The following PRKG1 variants were observed in gnomAD, a reference collection of about 807,000 sequenced individuals.
PRKG1 encodes the protein cGMP-dependent protein kinase 1.
PRKG1 carries 35 observed loss-of-function variants against 88.1 expected under a neutral mutation model. The observed-to-expected ratio is 0.40, with a 90% CI of 0.30 to 0.53. The LOEUF is 0.53. PRKG1 is among the 20% of genes least tolerant of loss of function. PRKG1 has a pLI of 0.59. For missense variants in PRKG1, 540 were observed against 839.8 expected (o/e 0.64, Z 4.41); for synonymous variants, 303 against 292.5 (o/e 1.04, Z -0.37).
At chr10:51,809,793 T>C (rs1839404874) in intron 4 of PRKG1, among the ~76,000 whole-genome samples, 1 of 152,134 alleles carries the variant, frequency 6.6e-6, no homozygotes, top group African/African-American at 2.4e-5. Flanking sequence ...AACCTTTCCA[T>C]ATCTTCCCAT....
At chr10:51,278,120 T>C (rs1189167704) in intron 2 of PRKG1, among the ~76,000 whole-genome samples, 1 of 152,210 alleles carries the variant, frequency 6.6e-6, no homozygotes, top group African/African-American at 2.4e-5. Context: ...CATTTGGAGA[T>C]ACGTCCCATC....
At chr10:51,234,242 G>A (rs185166294) in intron 2 of PRKG1, among the ~76,000 whole-genome samples, 112 of 152,168 alleles carry the variant, frequency 7.4e-4, no homozygotes, top group African/African-American at 2.4e-3. Context: ...GAACCCACCC[G>A]TCTTTCTGTG....
chr10:51,289,434 AG>A (rs1159495940), intron 2 of PRKG1, among the ~76,000 whole-genome samples: 2 of 152,200 alleles, frequency 1.3e-5, no homozygotes, highest in African/African-American at 2.4e-5. Flanking sequence ...ACAGTGGACT[AG>A]AGCCTCCAAG....
At chr10:52,253,682 T>G (rs1024538964) in intron 10 of PRKG1, among the ~76,000 whole-genome samples, 1 of 151,862 alleles carries the variant, frequency 6.6e-6, no homozygotes, top group Non-Finnish European at 1.5e-5. Context: ...GATAGCCTAA[T>G]TTTCCTCTCA....
chr10:51,155,033 T>C (rs1243367604), intron 2 of PRKG1, among the ~76,000 whole-genome samples: 7 of 152,010 alleles, frequency 4.6e-5, no homozygotes, highest in Admixed American at 1.3e-4. Context: ...TTTTCAGATA[T>C]TATATTGGTC....
chr10:51,565,369 C>A (rs1837572307), intron 3 of PRKG1, among the ~76,000 whole-genome samples: 1 of 151,984 alleles, frequency 6.6e-6, no homozygotes, highest in South Asian at 2.1e-4. Context: ...ACAGAGCAGA[C>A]CCTAGCCCCT....
chr10:51,572,483 A>T (rs556834001), intron 3 of PRKG1, among the ~76,000 whole-genome samples: 33 of 152,010 alleles, frequency 2.2e-4, no homozygotes, highest in African/African-American at 7.2e-4. Flanking sequence ...TAATGCTGAA[A>T]GATGCCTTAG....
chr10:52,228,293 A>G (rs1318055280), intron 9 of PRKG1, among the ~76,000 whole-genome samples: 2 of 151,980 alleles, frequency 1.3e-5, no homozygotes, highest in Admixed American at 1.3e-4. Context: ...AAGAAAAAAA[A>G]AAAAAGAAAT....
intron 9 of PRKG1, among the ~76,000 whole-genome samples, chr10:52,248,543 G>A (rs1291181415): frequency 1.3e-5 from 2 of 152,110 alleles, no homozygotes; most frequent in Non-Finnish European, 2.9e-5. Flanking sequence ...AATTCACCTA[G>A]TAATGTTAGC....
chr10:51,851,248 A>C (rs1554848601), intron 4 of PRKG1, among the ~76,000 whole-genome samples: 2 of 152,254 alleles, frequency 1.3e-5, no homozygotes, highest in Non-Finnish European at 2.9e-5. Flanking sequence ...AAAGATAAAT[A>C]GTAAAAATAG....
chr10:51,517,596 C>T (rs1047134416), intron 3 of PRKG1, among the ~76,000 whole-genome samples: 14 of 152,212 alleles, frequency 9.2e-5, no homozygotes, highest in South Asian at 4.1e-4. Flanking sequence ...CTTCTGTCTT[C>T]GTGAACATGC....
intron 7 of PRKG1, among the ~76,000 whole-genome samples, chr10:52,130,887 G>C (rs1837235740): frequency 6.6e-6 from 1 of 152,202 alleles, no homozygotes; most frequent in Admixed American, 6.5e-5. Context: ...AGCCTCCACA[G>C]AGACAACCAT....
chr10:52,185,769 C>A (rs985972419), intron 9 of PRKG1, among the ~76,000 whole-genome samples: 1 of 152,234 alleles, frequency 6.6e-6, no homozygotes, highest in Non-Finnish European at 1.5e-5. Flanking sequence ...GCTGACTTTA[C>A]ACCACAGGGA....
At chr10:50,993,681 A>G (rs1417800285) in intron 1 of PRKG1, among the ~76,000 whole-genome samples, 1 of 152,232 alleles carries the variant, frequency 6.6e-6, no homozygotes, top group Non-Finnish European at 1.5e-5. Flanking sequence ...CTCGAACAGT[A>G]ACAGCACCGC....
intron 9 of PRKG1, among the ~76,000 whole-genome samples, chr10:52,225,538 G>A (rs1840367610): frequency 6.6e-6 from 1 of 152,026 alleles, no homozygotes; most frequent in South Asian, 2.1e-4. Context: ...TTGCTTTTGG[G>A]TCCTTGGCCA....
At chr10:51,457,733 C>T (rs966427211) in intron 2 of PRKG1, among the ~76,000 whole-genome samples, 1 of 152,180 alleles carries the variant, frequency 6.6e-6, no homozygotes, top group Admixed American at 6.6e-5. Context: ...TTTGTTTATT[C>T]AGTCATCAGT....
At chr10:51,558,478 G>A (rs4492772) in intron 3 of PRKG1, among the ~76,000 whole-genome samples, 44,167 of 151,834 alleles carry the variant, frequency 0.29, 8,314 homozygotes, top group African/African-American at 0.53. Context: ...TCCCAGGATG[G>A]CCCCAATAGA....
intron 3 of PRKG1, among the ~76,000 whole-genome samples, chr10:51,576,275 A>C (rs1187502220): frequency 1.3e-5 from 2 of 151,958 alleles, no homozygotes; most frequent in African/African-American, 4.8e-5. Context: ...TATGTGTATG[A>C]ATATGTGTAT....
chr10:52,216,104 T>C (rs1840104955), intron 9 of PRKG1, among the ~76,000 whole-genome samples: 1 of 152,208 alleles, frequency 6.6e-6, no homozygotes, highest in Non-Finnish European at 1.5e-5. Context: ...GCTAGCAGAC[T>C]TGGGAGATTC....
Sources: gnomAD v4.1 joint callset for allele counts (sites outside exome capture counted in the v4.1 genomes callset) on GRCh38, gnomAD v4.1.1 for gene constraint, MANE v1.5 for transcripts, NCBI Gene and HGNC (gene_info 2026-07-23, HGNC 2026-07-21) for gene names.